The following CSMD1 variants were observed in gnomAD, a reference collection of about 807,000 sequenced individuals.
CSMD1 encodes CUB and Sushi multiple domains 1.
Under a neutral mutation model 417.5 loss-of-function variants are expected in CSMD1, and 213 were observed. The ratio of observed to expected loss-of-function variants is 0.51; its 90% confidence interval spans 0.46 to 0.57. The LOEUF is 0.57. Ranked by LOEUF, CSMD1 falls within the 20% of genes least tolerant of loss-of-function variation. CSMD1 has a pLI of 0.00. For synonymous variants in CSMD1, 2,862 were observed against 1,736.8 expected (o/e 1.65, Z -16.11); for missense variants, 6,923 against 4,529.7 (o/e 1.53, Z -15.17).
intron 3 of CSMD1, among the ~76,000 whole-genome samples, chr8:4,211,356 C>T (rs1181285632): frequency 6.7e-6 from 1 of 149,044 alleles, no homozygotes; most frequent in African/African-American, 2.6e-5. Flanking sequence ...TCTTTTATTC[C>T]CTGTTTTTCT....
At chr8:4,811,512 A>G (rs1209528790) in intron 1 of CSMD1, among the ~76,000 whole-genome samples, 1 of 152,164 alleles carries the variant, frequency 6.6e-6, no homozygotes, top group Non-Finnish European at 1.5e-5. Context: ...GTGGCAATGT[A>G]TTGCTGCCAT....
At chr8:4,963,259 G>A (rs1283664539) in intron 1 of CSMD1, among the ~76,000 whole-genome samples, 1 of 152,116 alleles carries the variant, frequency 6.6e-6, no homozygotes, top group Non-Finnish European at 1.5e-5. Context: ...GGAGTGCAGT[G>A]GTGCAATCTT....
At chr8:4,623,912 A>G (rs1012935316) in intron 2 of CSMD1, among the ~76,000 whole-genome samples, 2 of 152,238 alleles carry the variant, frequency 1.3e-5, no homozygotes, top group African/African-American at 2.4e-5. Context: ...CGTTAGCTTG[A>G]TGGTGGTGGT....
intron 11 of CSMD1, among the ~76,000 whole-genome samples, chr8:3,474,300 A>T (rs1817284323): frequency 6.6e-6 from 1 of 152,210 alleles, no homozygotes; most frequent in Non-Finnish European, 1.5e-5. Context: ...ATACAAATGC[A>T]GGACAATAAA....
chr8:4,583,247 C>G (rs1563308353), intron 2 of CSMD1, among the ~76,000 whole-genome samples: 2 of 152,240 alleles, frequency 1.3e-5, no homozygotes, highest in African/African-American at 2.4e-5. Context: ...GCAGCTCCAC[C>G]TGCAGCCGTG....
intron 2 of CSMD1, among the ~76,000 whole-genome samples, chr8:4,600,142 T>G (rs1277495003): frequency 6.6e-6 from 1 of 152,162 alleles, no homozygotes; most frequent in Non-Finnish European, 1.5e-5. Context: ...ATTGCCTAGC[T>G]GGGGCCATGT....
intron 3 of CSMD1, among the ~76,000 whole-genome samples, chr8:4,265,739 T>A (rs1804194231): frequency 9.5e-6 from 1 of 104,834 alleles, no homozygotes; most frequent in African/African-American, 2.6e-5. Context: ...CATAAAATGT[T>A]TGAAAACTTT....
chr8:4,599,797 T>A (rs1004842627), intron 2 of CSMD1, among the ~76,000 whole-genome samples: 3 of 152,190 alleles, frequency 2.0e-5, no homozygotes, highest in African/African-American at 4.8e-5. Flanking sequence ...GTAAGCCAAG[T>A]ATATTTCCTA....
chr8:3,426,595 T>C (rs563572550), intron 12 of CSMD1, among the ~76,000 whole-genome samples: 1 of 152,302 alleles, frequency 6.6e-6, no homozygotes, highest in East Asian at 1.9e-4. Context: ...TAATTTTTTA[T>C]TTATGTTTTT....
intron 3 of CSMD1, among the ~76,000 whole-genome samples, chr8:4,319,941 A>G (rs1372111271): frequency 6.6e-6 from 1 of 152,204 alleles, no homozygotes; most frequent in East Asian, 1.9e-4. Flanking sequence ...CAGAGCTTGC[A>G]CAAGGCCAAT....
chr8:4,838,538 C>T (rs1484550705), intron 1 of CSMD1, among the ~76,000 whole-genome samples: 3 of 152,210 alleles, frequency 2.0e-5, no homozygotes, highest in South Asian at 2.1e-4. Context: ...ATTTACTCCG[C>T]TTTTACCTGC....
chr8:4,849,167 T>A (rs1430465883), intron 1 of CSMD1, among the ~76,000 whole-genome samples: 1 of 152,066 alleles, frequency 6.6e-6, no homozygotes, highest in Non-Finnish European at 1.5e-5. Context: ...ACAAAAACGT[T>A]TTCAAAAAGT....
At chr8:4,630,385 C>T (rs993113150) in intron 2 of CSMD1, among the ~76,000 whole-genome samples, 12 of 151,874 alleles carry the variant, frequency 7.9e-5, no homozygotes, top group African/African-American at 2.2e-4. Flanking sequence ...ATGATGAGAG[C>T]CCAATCTCAC....
chr8:3,262,932 T>A (rs558548658), intron 26 of CSMD1, among the ~76,000 whole-genome samples: 58 of 152,288 alleles, frequency 3.8e-4, no homozygotes, highest in African/African-American at 1.3e-3. Context: ...GTAGGAATCC[T>A]ATGAAAAAGT....
intron 5 of CSMD1, among the ~76,000 whole-genome samples, chr8:3,834,709 C>A (rs1247954127): frequency 2.0e-5 from 3 of 151,630 alleles, no homozygotes; most frequent in Admixed American, 6.6e-5. Flanking sequence ...AAGTCTTGGG[C>A]AGATTAGAAA....
In CSMD1 at chr8:4,921,759, A is replaced by C. The variant is rs926789471; in HGVS notation, c.85+72573T>G. ...GTGTTCCTTGTTGTTCTGAGTAATT[A>C]TTCTTCTCCACCAGCCATTTTTTTC... is the stretch of plus-strand genomic sequence containing the variant. On this transcript the variant is annotated intron_variant, in intron 1 of 69. Coordinates refer to ENST00000635120, the MANE Select transcript of CSMD1 (RefSeq NM_033225.6). Among the ~76,000 whole-genome samples the C allele has an allele frequency of 2.0e-5, 3 of 152,252 alleles. No individual in the cohort carries two copies. In the South Asian group the frequency reaches 6.2e-4, roughly 32 times the overall value.
intron 6 of CSMD1, among the ~76,000 whole-genome samples, chr8:3,752,694 A>C (rs1015477912): frequency 1.5e-4 from 10 of 66,598 alleles, no homozygotes; most frequent in Admixed American, 1.3e-3. Context: ...AAAAAAAAAA[A>C]AAAAAAAAAA....
chr8:4,059,847 C>T lies in CSMD1; in HGVS notation c.416-27748G>A, dbSNP rs1271627312. On this transcript the variant is annotated intron_variant, in intron 3 of 69. Transcript: ENST00000635120. ...GTCCAGGACCAGATGGATTCACAGC[C>T]GAATATTACCAGAGGTACAAGGAGG... is the stretch of plus-strand genomic sequence containing the variant. 1.2e-4 allele frequency among the ~76,000 whole-genome samples: 18 copies of T among 149,028 alleles called. No homozygotes were observed. The East Asian group carries it at 3.4e-3, about 28-fold the overall frequency.
chr8:3,924,680 G>A (rs1236976237), intron 5 of CSMD1, among the ~76,000 whole-genome samples: 1 of 151,906 alleles, frequency 6.6e-6, no homozygotes, highest in Non-Finnish European at 1.5e-5. Flanking sequence ...TGTAATCATT[G>A]TTCTCTTTAG....
Sources: allele counts gnomAD v4.1 joint callset (sites outside exome capture counted in the v4.1 genomes callset), GRCh38; gene constraint gnomAD v4.1.1; transcripts MANE v1.5; gene names NCBI Gene and HGNC (gene_info 2026-07-23, HGNC 2026-07-21).